Variants in PRKCE observed in about 807,000 individuals in gnomAD.
The protein encoded by PRKCE is protein kinase C epsilon type.
A neutral mutation model predicts 85.4 loss-of-function variants in PRKCE; 16 were observed. The ratio of observed to expected loss-of-function variants is 0.19; its 90% CI spans 0.13 to 0.28. The LOEUF (loss-of-function observed/expected upper bound fraction) is 0.28. PRKCE is among the 10% of genes least tolerant of loss of function. PRKCE has a pLI of 1.00. For synonymous variants in PRKCE, 388 were observed against 371.5 expected (o/e 1.04, Z -0.51); for missense variants, 573 against 975.2 (o/e 0.59, Z 5.49).
chr2:45,818,409 CCACCGGAA>C (rs1411147909), intron 1 of PRKCE, among the ~76,000 whole-genome samples: 2 of 152,142 alleles, frequency 1.3e-5, no homozygotes, highest in Non-Finnish European at 2.9e-5. Context: ...GATCAATACC[CCACCGGAA>C]GTTTTAGCAA....
chr2:46,085,951 A>T (rs1052839725), intron 10 of PRKCE, among the ~76,000 whole-genome samples: 3 of 152,188 alleles, frequency 2.0e-5, no homozygotes, highest in African/African-American at 7.2e-5. Context: ...CTTTCTGTCC[A>T]TTTAGGCTTC....
rs564742538 is a variant in PRKCE, at chr2:46,053,469, C to T, written c.1438-32739C>T. Among the ~76,000 whole-genome samples, 159 of 152,282 alleles carry T rather than the reference C, an allele frequency of 1.0e-3. 1 individual carries two copies. Among genetic ancestry groups the T allele is most frequent in the Admixed American group, 2.4e-3 (36 of 15,298 alleles). Reference sequence around the variant, plus strand: ...CCATAACGCGTTTCATCTTGTAAAACGAAAACTTTATGCCCATTAAGCAGT... The same window carrying T: ...CCATAACGCGTTTCATCTTGTAAAATGAAAACTTTATGCCCATTAAGCAGT... On this transcript the variant is annotated intron_variant, in intron 10 of 14. Coordinates refer to ENST00000306156, the MANE Select transcript of PRKCE (RefSeq NM_005400.3).
At chr2:45,953,125 A>G (rs1231587249) in intron 2 of PRKCE, among the ~76,000 whole-genome samples, 2 of 152,236 alleles carry the variant, frequency 1.3e-5, no homozygotes. Flanking sequence ...CTGGGAGGTG[A>G]ACACAGTTCT....
At chr2:46,093,161 G>A (rs181582998) in intron 11 of PRKCE, among the ~76,000 whole-genome samples, 64 of 152,250 alleles carry the variant, frequency 4.2e-4, no homozygotes, top group African/African-American at 1.4e-3. Context: ...TCTAAGGGCC[G>A]AGTCTCTAAT....
At chr2:45,959,903 G>A (rs1393601609) in intron 2 of PRKCE, among the ~76,000 whole-genome samples, 1 of 152,044 alleles carries the variant, frequency 6.6e-6, no homozygotes. Flanking sequence ...AATTTTCCGG[G>A]TTTTATTTGT....
intron 10 of PRKCE, among the ~76,000 whole-genome samples, chr2:46,032,994 C>T (rs930957558): frequency 2.0e-5 from 3 of 152,130 alleles, no homozygotes; most frequent in Non-Finnish European, 4.4e-5. Flanking sequence ...GTCAGGGTTT[C>T]ATGTATAGAA....
At chr2:46,098,704 A>G (rs749478337) in intron 11 of PRKCE, among the ~76,000 whole-genome samples, 1 of 152,358 alleles carries the variant, frequency 6.6e-6, no homozygotes, top group African/African-American at 2.4e-5. Context: ...CAATATATTC[A>G]ACAGCCAGTA....
rs2104691667 is a variant in PRKCE at position 45,996,487 on chromosome 2, A to G, written c.824-4917A>G. Among the ~76,000 whole-genome samples the G allele has an allele frequency of 2.0e-5, 3 of 152,226 alleles. 1 individual carries two copies. The highest frequency in any genetic ancestry group is 4.4e-5 in the Non-Finnish European group (3 of 67,978). On this transcript the variant is annotated intron_variant, in intron 6 of 14. Coordinates refer to ENST00000306156, the MANE Select transcript of PRKCE (RefSeq NM_005400.3). ...TGTAGGGTTTTTGTTGATGTTCTTT[A>G]TTAAGTTGAGGAAATTCTCTTCAGT...
rs1697097386 is a variant in PRKCE at position 45,907,845 on chromosome 2, T to C, written c.412+64782T>C. On this transcript the variant is annotated intron_variant, in intron 2 of 14. Coordinates refer to ENST00000306156, the MANE Select transcript of PRKCE (RefSeq NM_005400.3). This position sits in a 1 kb window ranked among gnomAD's most constrained non-coding sequence, Gnocchi z 4.5. ...GCCTCACCGTGCCCATCCTCTGAGC[T>C]AATAATACTTGCCGAGTGCTGAGAA... Among the ~76,000 whole-genome samples, 1 of 152,214 alleles carries C rather than the reference T, an allele frequency of 6.6e-6. No individual in the cohort carries two copies. The highest frequency in any genetic ancestry group is 1.5e-5 in the Non-Finnish European group (1 of 68,038).
At chr2:45,752,870 T>G (rs1683696221) in intron 1 of PRKCE, among the ~76,000 whole-genome samples, 1 of 152,078 alleles carries the variant, frequency 6.6e-6, no homozygotes, top group Non-Finnish European at 1.5e-5. Flanking sequence ...TATATAAGTT[T>G]TTTACGACCC....
In PRKCE at chr2:46,004,464, C is replaced by T. The variant is rs1480831924; in HGVS notation, c.967-78C>T. The T allele has an allele frequency of 1.1e-5, 13 of 1,154,858 alleles. No homozygotes were observed. Among genetic ancestry groups the T allele is most frequent in the East Asian group, 5.1e-5 (2 of 38,922 alleles). The allele number at this position is 1,154,858 out of a possible 1,614,324, so 71.5% of individuals were successfully genotyped here. A position where few individuals can be genotyped will look rare whatever the true frequency, so the allele number is the denominator to read the frequency against. On this transcript the variant is annotated intron_variant, in intron 7 of 14. Transcript: ENST00000306156. The surrounding 1 kb of genome is among the most constrained non-coding windows in gnomAD (Gnocchi z 4.1). ...GGGAACTCTCATGGCTCTTATACGGCATCTTGATGCTTTTGACATCAGAAA... is the reference window on the plus strand; with the variant it reads ...GGGAACTCTCATGGCTCTTATACGGTATCTTGATGCTTTTGACATCAGAAA...
intron 5 of PRKCE, 43 bp from the exon 6 acceptor site, chr2:45,984,508 C>T (rs2104593696): frequency 1.3e-6 from 2 of 1,589,600 alleles, no homozygotes; most frequent in East Asian, 2.2e-5. Flanking sequence ...TTCTGGGGAA[C>T]TGAGGAGCTC....
rs139259313 is a variant in PRKCE, at chr2:45,842,263, G to A, written c.349-737G>A. On this transcript the variant is annotated intron_variant, in intron 1 of 14. Coordinates refer to ENST00000306156, the MANE Select transcript of PRKCE (RefSeq NM_005400.3). ...TGAGGGTGCCTGTGCTGTTTCTTACGCCTTGCATACCTTCCCTTCCCTCTT... is the reference window on the plus strand; with the variant it reads ...TGAGGGTGCCTGTGCTGTTTCTTACACCTTGCATACCTTCCCTTCCCTCTT... Among the ~76,000 whole-genome samples, 855 of 152,236 alleles carry A rather than the reference G, an allele frequency of 5.6e-3. 9 individuals carry two copies. Among genetic ancestry groups the A allele is most frequent in the Middle Eastern group, 0.027 (8 of 294 alleles).
intron 1 of PRKCE, among the ~76,000 whole-genome samples, chr2:45,681,429 A>G (rs981302424): frequency 6.6e-6 from 1 of 151,914 alleles, no homozygotes; most frequent in South Asian, 2.1e-4. Flanking sequence ...TAAAATCACC[A>G]TTTGGAAAAT....
chr2:46,031,850 A>G (rs1211783154), intron 10 of PRKCE, among the ~76,000 whole-genome samples: 1 of 152,192 alleles, frequency 6.6e-6, no homozygotes, highest in Non-Finnish European at 1.5e-5. Flanking sequence ...TGCTCCTCAC[A>G]GCCCCTACCA....
chr2:45,800,307 T>G (rs1687758193), intron 1 of PRKCE, among the ~76,000 whole-genome samples: 1 of 152,180 alleles, frequency 6.6e-6, no homozygotes, highest in South Asian at 2.1e-4. Flanking sequence ...TAAGTCACCT[T>G]GAGAGCATGG....
At chr2:45,967,072 G>A (rs1312898756) in intron 2 of PRKCE, among the ~76,000 whole-genome samples, 1 of 152,174 alleles carries the variant, frequency 6.6e-6, no homozygotes, top group Admixed American at 6.5e-5. Flanking sequence ...TGTGCTGGTG[G>A]TAAATGTTTA....
At chr2:45,924,105 C>G (rs1268520254) in intron 2 of PRKCE, among the ~76,000 whole-genome samples, 3 of 152,188 alleles carry the variant, frequency 2.0e-5, no homozygotes, top group Non-Finnish European at 4.4e-5. Flanking sequence ...GACCCAACCC[C>G]TTTTCCCATC....
intron 1 of PRKCE, among the ~76,000 whole-genome samples, chr2:45,716,828 T>C (rs1680166643): frequency 1.3e-5 from 2 of 152,050 alleles, no homozygotes; most frequent in Admixed American, 6.5e-5. Context: ...TCAGGAAACT[T>C]ACAATCATGG....
Sources: allele counts gnomAD v4.1 joint callset (sites outside exome capture counted in the v4.1 genomes callset), GRCh38; gene constraint gnomAD v4.1.1; non-coding constraint Gnocchi (gnomAD v3.1); transcripts MANE v1.5; gene names NCBI Gene and HGNC (gene_info 2026-07-23, HGNC 2026-07-21).